The following PHACTR1 variants were observed in gnomAD, a reference collection of about 807,000 sequenced individuals.
PHACTR1 encodes phosphatase and actin regulator 1, also known as RPEL repeat containing 1.
A neutral mutation model predicts 69.2 loss-of-function variants in PHACTR1; 16 were observed. The observed-to-expected ratio is 0.23, with a 90% CI of 0.16 to 0.35. The LOEUF (loss-of-function observed/expected upper bound fraction) is 0.35, where lower values mean the gene tolerates loss of function less well. Among genes scored for constraint, PHACTR1 ranks in the 10% least tolerant of loss-of-function variants. The pLI, the probability that PHACTR1 is intolerant of heterozygous loss-of-function variation, is 1.00. For synonymous variants in PHACTR1, 312 were observed against 284.5 expected, an observed-to-expected ratio of 1.10 and a Z score of -0.97; for missense variants, 510 against 734.7, an observed-to-expected ratio of 0.69 and a Z score of 3.54.
At chr6:13,077,633 C>T (rs771929665) in intron 5 of PHACTR1, among the ~76,000 whole-genome samples, 29 of 152,098 alleles carry the variant, frequency 1.9e-4, no homozygotes, top group Non-Finnish European at 3.7e-4. Context: ...GGCTTTTGAG[C>T]AAGGAGGTGA....
intron 7 of PHACTR1, chr6:13,184,722 G>C (rs1193504250): frequency 5.1e-6 from 6 of 1,182,932 alleles, no homozygotes; most frequent in Non-Finnish European, 7.0e-6. Context: ...CCGAGTCCCT[G>C]TCCTGTGTTC....
intron 6 of PHACTR1, among the ~76,000 whole-genome samples, chr6:13,177,364 G>GCTCT (rs60383041): frequency 6.4e-4 from 93 of 145,958 alleles, no homozygotes; most frequent in Admixed American, 1.2e-3. Context: ...TCTCTCTTGC[G>GCTCT]CTCTCTCTCT....
At chr6:12,734,041 C>T (rs1015666079) in intron 3 of PHACTR1, among the ~76,000 whole-genome samples, 2 of 152,110 alleles carry the variant, frequency 1.3e-5, no homozygotes, top group African/African-American at 2.4e-5. Flanking sequence ...CTGCATCTAG[C>T]GTGATTCAGC....
intron 8 of PHACTR1, among the ~76,000 whole-genome samples, chr6:13,219,028 A>G (rs1323015190): frequency 4.6e-5 from 7 of 152,184 alleles, no homozygotes; most frequent in Non-Finnish European, 1.0e-4. Flanking sequence ...TTCCAAAAAG[A>G]AGGCTTGGTA....
chr6:12,760,152 C>G (rs764764886), intron 4 of PHACTR1, among the ~76,000 whole-genome samples: 8 of 152,132 alleles, frequency 5.3e-5, no homozygotes, highest in Non-Finnish European at 7.4e-5. Flanking sequence ...CAGGATTCTA[C>G]CAAAAATTTA....
rs75205637 is a variant in PHACTR1 at position 12,937,042 on chromosome 6, C to T, written c.251-116323C>T. On this transcript the variant is annotated intron_variant, in intron 4 of 14. Coordinates refer to ENST00000332995, the MANE Select transcript of PHACTR1 (RefSeq NM_030948.6). Reference sequence around the variant, plus strand: ...TCATTTAAGGAACAGTTTCAGGCCCCGGTCTTATTTTCTCAAATATCTTAT... The same window carrying T: ...TCATTTAAGGAACAGTTTCAGGCCCTGGTCTTATTTTCTCAAATATCTTAT... Among the ~76,000 whole-genome samples the T allele has an allele frequency of 8.4e-3, 1,281 of 152,230 alleles. 15 individuals are homozygous for T. The highest frequency in any genetic ancestry group is 0.03 in the African/African-American group (1,229 of 41,536).
intron 4 of PHACTR1, among the ~76,000 whole-genome samples, chr6:13,005,324 C>T (rs1190558169): frequency 6.6e-6 from 1 of 151,622 alleles, no homozygotes; most frequent in African/African-American, 2.4e-5. Context: ...ATATATGTCT[C>T]TATATATATA....
chr6:12,885,173 A>C (rs1783514174), intron 4 of PHACTR1, among the ~76,000 whole-genome samples: 1 of 152,190 alleles, frequency 6.6e-6, no homozygotes, highest in Non-Finnish European at 1.5e-5. Flanking sequence ...AATGCAGGGA[A>C]GGTCCCGTGG....
intron 5 of PHACTR1, among the ~76,000 whole-genome samples, chr6:13,099,102 G>A (rs1814735256): frequency 2.0e-5 from 3 of 152,240 alleles, no homozygotes; most frequent in Non-Finnish European, 4.4e-5. Context: ...TTCCGGCTCT[G>A]TGGCCTCTGC....
At chr6:13,238,658 G>A (rs1374639413) in intron 10 of PHACTR1, among the ~76,000 whole-genome samples, 1 of 152,112 alleles carries the variant, frequency 6.6e-6, no homozygotes, top group Non-Finnish European at 1.5e-5. Flanking sequence ...TGTAGTTTGG[G>A]TAGTGTTTAT....
At chr6:13,220,990 C>G (rs1454635392) in intron 8 of PHACTR1, among the ~76,000 whole-genome samples, 1 of 152,108 alleles carries the variant, frequency 6.6e-6, no homozygotes, top group South Asian at 2.1e-4. Context: ...GTGGCAGATG[C>G]TATAACAAAG....
rs571750620 is a variant in PHACTR1 at position 13,205,987 on chromosome 6, G to A, written c.837G>A (p.Leu279=). 46 of 1,613,990 alleles carry A rather than the reference G, an allele frequency of 2.9e-5. 1 individual carries two copies. In the South Asian group the frequency reaches 4.9e-4, roughly 17 times the overall value. Reference sequence around the variant, plus strand: ...TGGCCCAGCACCACCACACTGTCCTGCCCTCCCAGATCCAGCACCAGCTGC... The same window carrying A: ...TGGCCCAGCACCACCACACTGTCCTACCCTCCCAGATCCAGCACCAGCTGC... ...QGVAQHHHTV[L]PSQIQHQLQY... Residue 279 remains leucine (L), a synonymous_variant, in exon 8 of 15, where the codon CTG becomes CTA. Transcript: ENST00000332995.
At chr6:13,012,029 G>A (rs1217676917) in intron 4 of PHACTR1, among the ~76,000 whole-genome samples, 1 of 152,178 alleles carries the variant, frequency 6.6e-6, no homozygotes. Flanking sequence ...CAAAAGGGGG[G>A]TGGTTGCTGA....
At chr6:12,907,119 T>A (rs1288579408) in intron 4 of PHACTR1, among the ~76,000 whole-genome samples, 3 of 152,236 alleles carry the variant, frequency 2.0e-5, no homozygotes, top group African/African-American at 7.2e-5. Flanking sequence ...TGGCATTTCC[T>A]CTTTTTAAAG....
At chr6:12,721,075 C>T (rs1261445873) in intron 3 of PHACTR1, among the ~76,000 whole-genome samples, 2 of 152,126 alleles carry the variant, frequency 1.3e-5, no homozygotes, top group African/African-American at 2.4e-5. Context: ...AGCAAAAGCC[C>T]ATCCTCTTCT....
intron 5 of PHACTR1, among the ~76,000 whole-genome samples, chr6:13,081,975 A>C (rs190701805): frequency 1.1e-4 from 17 of 152,334 alleles, no homozygotes; most frequent in Middle Eastern, 3.4e-3. Context: ...TTAACAATTC[A>C]CAAAGAATTG....
chr6:13,155,332 G>A (rs981812686), intron 5 of PHACTR1, among the ~76,000 whole-genome samples: 4 of 152,120 alleles, frequency 2.6e-5, no homozygotes, highest in African/African-American at 9.7e-5. Context: ...AATGGCCTGG[G>A]GATCCACTAT....
chr6:12,963,534 T>C (rs1286356519), intron 4 of PHACTR1, among the ~76,000 whole-genome samples: 1 of 152,174 alleles, frequency 6.6e-6, no homozygotes, highest in Non-Finnish European at 1.5e-5. Context: ...TAGTAACTTG[T>C]AAAACACCCT....
chr6:13,214,598 C>T (rs1290087465), intron 8 of PHACTR1, among the ~76,000 whole-genome samples: 1 of 152,110 alleles, frequency 6.6e-6, no homozygotes, highest in East Asian at 1.9e-4. Flanking sequence ...TTAGACTAAA[C>T]CTGAAAGTTA....
Sources: gnomAD v4.1 joint callset for allele counts (sites outside exome capture counted in the v4.1 genomes callset) on GRCh38, gnomAD v4.1.1 for gene constraint, MANE v1.5 for transcripts, NCBI Gene and HGNC (gene_info 2026-07-23, HGNC 2026-07-21) for gene names.